Variants in CAMK2D observed in about 807,000 individuals in gnomAD.
CAMK2D encodes the protein calcium/calmodulin-dependent protein kinase type II subunit delta.
Under a neutral mutation model 84.0 loss-of-function variants are expected in CAMK2D, and 37 were observed. That is an observed-to-expected ratio of 0.44 (90% CI 0.34 to 0.58). The LOEUF is 0.58. Ranked by LOEUF, CAMK2D falls within the 20% of genes least tolerant of loss-of-function variation. The pLI is 0.02. For missense variants in CAMK2D, 448 were observed against 652.5 expected (o/e 0.69, Z 3.41); for synonymous variants, 202 against 212.5 (o/e 0.95, Z 0.43).
intron 2 of CAMK2D, among the ~76,000 whole-genome samples, chr4:113,756,053 A>G (rs978193985): frequency 1.3e-5 from 2 of 152,018 alleles, no homozygotes; most frequent in African/African-American, 4.8e-5. Context: ...TGAATGTTCT[A>G]TGCACGCACA....
chr4:113,695,315 T>C (rs1351608712), intron 2 of CAMK2D, among the ~76,000 whole-genome samples: 1 of 152,162 alleles, frequency 6.6e-6, no homozygotes, highest in Non-Finnish European at 1.5e-5. Context: ...ATTCAAATAC[T>C]GTATATTGAC....
intron 4 of CAMK2D, among the ~76,000 whole-genome samples, chr4:113,564,539 A>G (rs888434934): frequency 1.3e-5 from 2 of 152,064 alleles, no homozygotes; most frequent in Non-Finnish European, 2.9e-5. Flanking sequence ...TTATATACCC[A>G]TATCTCCTAC....
At chr4:113,720,516 A>G (rs1326774039) in intron 2 of CAMK2D, among the ~76,000 whole-genome samples, 1 of 152,050 alleles carries the variant, frequency 6.6e-6, no homozygotes, top group Non-Finnish European at 1.5e-5. Context: ...TCCTCTTAAG[A>G]AGACTGGTGA....
chr4:113,628,303 A>G (rs937065534), intron 3 of CAMK2D, among the ~76,000 whole-genome samples: 1 of 152,210 alleles, frequency 6.6e-6, no homozygotes, highest in Non-Finnish European at 1.5e-5. Flanking sequence ...ATAACCTACT[A>G]GAAGATTGGC....
chr4:113,752,634 T>A (rs2099619937), intron 2 of CAMK2D, among the ~76,000 whole-genome samples: 1 of 152,170 alleles, frequency 6.6e-6, no homozygotes, highest in Admixed American at 6.5e-5. Context: ...GACAACTGAA[T>A]CATTTAGAAG....
chr4:113,547,923 T>C (rs967728571), intron 5 of CAMK2D, among the ~76,000 whole-genome samples: 10 of 152,292 alleles, frequency 6.6e-5, no homozygotes, highest in Middle Eastern at 3.4e-3. Flanking sequence ...AGAATGTGGG[T>C]CCATTTGTTC....
chr4:113,526,439 T>TGTGC (rs1428619688), intron 8 of CAMK2D, among the ~76,000 whole-genome samples: 14 of 152,236 alleles, frequency 9.2e-5, no homozygotes, highest in South Asian at 2.1e-4. Flanking sequence ...TGTGTGTGTG[T>TGTGC]GTGTGCATGC....
intron 7 of CAMK2D, 98 bp from the exon 8 acceptor site, chr4:113,531,397 TTA>T (rs1183021202): frequency 1.4e-6 from 1 of 702,076 alleles, no homozygotes; most frequent in African/African-American, 1.8e-5. Flanking sequence ...CTTTATCTGA[TTA>T]TATGTTTTTC....
Position 113,731,572 on chromosome 4 carries a change from G to T in CAMK2D, c.160+27748C>A, listed in dbSNP as rs976184292. ...CTTCAAAGTATAAAAGATAATCTAA[G>T]CCAGGGTTATTGCTTTTTTTTTTTT... On this transcript the variant is annotated intron_variant, in intron 2 of 20. Transcript: ENST00000511664. Among the ~76,000 whole-genome samples the T allele has an allele frequency of 2.0e-5, 3 of 148,760 alleles. No homozygotes were observed. In the East Asian group the frequency reaches 5.9e-4, roughly 29 times the overall value.
intron 4 of CAMK2D, among the ~76,000 whole-genome samples, chr4:113,585,955 T>C (rs1363874307): frequency 6.6e-6 from 1 of 152,230 alleles, no homozygotes; most frequent in Non-Finnish European, 1.5e-5. Flanking sequence ...CATTGTTTCC[T>C]TTCCTTCAAA....
intron 16 of CAMK2D, among the ~76,000 whole-genome samples, chr4:113,481,383 C>G (rs542103604): frequency 6.6e-6 from 1 of 152,144 alleles, no homozygotes; most frequent in Admixed American, 6.5e-5. Context: ...GGAAGAGGAA[C>G]AGGAAACAAG....
chr4:113,691,528 G>T (rs147908528), intron 2 of CAMK2D, among the ~76,000 whole-genome samples: 1,619 of 152,192 alleles, frequency 0.011, 29 homozygotes, highest in African/African-American at 0.036. Context: ...CAAGGTGGGC[G>T]GATCACTTGA....
chr4:113,652,246 A>G (rs1322999859), intron 3 of CAMK2D, among the ~76,000 whole-genome samples: 2 of 152,164 alleles, frequency 1.3e-5, no homozygotes, highest in East Asian at 3.9e-4. Flanking sequence ...TGTAAAATGG[A>G]GACAAGAATG....
chr4:113,709,447 C>G (rs2099479959), intron 2 of CAMK2D, among the ~76,000 whole-genome samples: 1 of 151,244 alleles, frequency 6.6e-6, no homozygotes, highest in Non-Finnish European at 1.5e-5. Context: ...ACAAGACAAA[C>G]AGAAAAAATT....
rs111781773 is a variant in CAMK2D, at chr4:113,593,528, A to T, written c.275+15624T>A. 2.2e-3 allele frequency among the ~76,000 whole-genome samples: 337 copies of T among 152,344 alleles called. 4 individuals carry two copies. The highest frequency in any genetic ancestry group is 0.01 in the Middle Eastern group (3 of 294). Reference sequence around the variant, plus strand: ...GACCTAATCTTAAGGGGATCCTCACACTTCTGTGAGTTTTACTTCCAAGAG... The same window carrying T: ...GACCTAATCTTAAGGGGATCCTCACTCTTCTGTGAGTTTTACTTCCAAGAG... On this transcript the variant is annotated intron_variant, in intron 4 of 20. Transcript: ENST00000511664.
intron 2 of CAMK2D, among the ~76,000 whole-genome samples, chr4:113,663,836 T>TA (rs1045253324): frequency 6.6e-6 from 1 of 152,038 alleles, no homozygotes; most frequent in African/African-American, 2.4e-5. Context: ...AACATAACTA[T>TA]AAAAAAATTA....
At chr4:113,645,248 C>A (rs2099147141) in intron 3 of CAMK2D, among the ~76,000 whole-genome samples, 1 of 152,118 alleles carries the variant, frequency 6.6e-6, no homozygotes. Context: ...GATCTCCTGA[C>A]CTCATGATCC....
chr4:113,726,391 T>TTC (rs1332961986), intron 2 of CAMK2D, among the ~76,000 whole-genome samples: 1 of 145,114 alleles, frequency 6.9e-6, no homozygotes. Context: ...TTTTTTTTTT[T>TTC]TTTTTTTGAG....
At chr4:113,493,233 A>T (rs1245550187) in intron 16 of CAMK2D, among the ~76,000 whole-genome samples, 3 of 150,096 alleles carry the variant, frequency 2.0e-5, no homozygotes, top group East Asian at 3.9e-4. Context: ...GTTTCTTCCT[A>T]GTCTCGATGG....
Sources: allele counts gnomAD v4.1 joint callset (sites outside exome capture counted in the v4.1 genomes callset), GRCh38; gene constraint gnomAD v4.1.1; transcripts MANE v1.5; gene names NCBI Gene and HGNC (gene_info 2026-07-23, HGNC 2026-07-21).